Variants in PDE3A observed in about 807,000 individuals in gnomAD.
The protein encoded by PDE3A is phosphodiesterase 3A.
Under a neutral mutation model 98.3 loss-of-function variants are expected in PDE3A, and 43 were observed. The ratio of observed to expected loss-of-function variants is 0.44; its 90% CI spans 0.34 to 0.56. The LOEUF (loss-of-function observed/expected upper bound fraction) is 0.56. Ranked by LOEUF, PDE3A falls within the 20% of genes least tolerant of loss-of-function variation. The probability of loss-of-function intolerance (pLI) is 0.01; values close to 1 mark genes in which losing one functional copy is unlikely to be tolerated. For missense variants in PDE3A, 1,427 were observed against 1,440.7 expected (o/e 0.99, Z 0.15); for synonymous variants, 663 against 567.9 (o/e 1.17, Z -2.38).
At position 20,537,723 on chromosome 12, in the gene PDE3A, G is replaced by A. The variant is rs550319814; in HGVS notation, c.961-18937G>A. Among the ~76,000 whole-genome samples the A allele has an allele frequency of 3.3e-5, 5 of 151,834 alleles. No homozygotes were observed. In the South Asian group the frequency reaches 6.2e-4, roughly 19 times the overall value. On this transcript the variant is annotated intron_variant, in intron 1 of 15. Coordinates refer to ENST00000359062, the MANE Select transcript of PDE3A (RefSeq NM_000921.5). ...GTCTAGCCCAGCATTTCCAAAAGCC[G>A]TTTTAATCTTTTTCCCTGAAACAGC...
intron 3 of PDE3A, 29 bp from the exon 4 acceptor site, chr12:20,616,201 T>G: frequency 6.2e-7 from 1 of 1,602,266 alleles, no homozygotes; most frequent in Non-Finnish European, 8.5e-7. Flanking sequence ...TAAAATATTC[T>G]GGGTAATGAA....
chr12:20,584,138 T>C (rs2121353052), intron 2 of PDE3A, among the ~76,000 whole-genome samples: 1 of 152,354 alleles, frequency 6.6e-6, no homozygotes, highest in East Asian at 1.9e-4. Flanking sequence ...GAAGTGTCTC[T>C]TGTCAAAGAC....
At chr12:20,502,763 C>T (rs1266275387) in intron 1 of PDE3A, among the ~76,000 whole-genome samples, 1 of 151,986 alleles carries the variant, frequency 6.6e-6, no homozygotes, top group Non-Finnish European at 1.5e-5. Flanking sequence ...CAATTATTTC[C>T]ATGGATTGAG....
intron 2 of PDE3A, among the ~76,000 whole-genome samples, chr12:20,601,328 C>T (rs748259152): frequency 2.0e-4 from 30 of 152,132 alleles, no homozygotes; most frequent in South Asian, 1.0e-3. Context: ...TAGGCATTAA[C>T]GTGGAAATGT....
chr12:20,593,863 G>C (rs529242715), intron 2 of PDE3A, among the ~76,000 whole-genome samples: 4 of 152,016 alleles, frequency 2.6e-5, no homozygotes, highest in Non-Finnish European at 5.9e-5. Context: ...CATAGGGTGA[G>C]GGCTGGGAGG....
At chr12:20,470,569 A>G (rs1945419599) in intron 1 of PDE3A, among the ~76,000 whole-genome samples, 1 of 152,178 alleles carries the variant, frequency 6.6e-6, no homozygotes, top group South Asian at 2.1e-4. Context: ...ATAATTTACA[A>G]CACTTTTCCA....
intron 1 of PDE3A, among the ~76,000 whole-genome samples, chr12:20,498,707 C>T (rs1242280560): frequency 6.6e-6 from 1 of 151,982 alleles, no homozygotes; most frequent in Non-Finnish European, 1.5e-5. Context: ...TTTAAAAAGG[C>T]GTTTACTTCT....
At chr12:20,389,226 C>G (rs1185431492) in intron 1 of PDE3A, among the ~76,000 whole-genome samples, 3 of 151,888 alleles carry the variant, frequency 2.0e-5, no homozygotes, top group East Asian at 2.0e-4. Context: ...CTCTCTCTTT[C>G]TGTGTGTGTG....
intron 2 of PDE3A, among the ~76,000 whole-genome samples, chr12:20,608,356 G>A (rs1329799084): frequency 6.8e-6 from 1 of 148,130 alleles, no homozygotes; most frequent in African/African-American, 2.5e-5. Context: ...ACAAAGTGAG[G>A]ACCTGACTTA....
intron 15 of PDE3A, among the ~76,000 whole-genome samples, chr12:20,656,190 A>G (rs1022428647): frequency 3.3e-5 from 5 of 152,302 alleles, no homozygotes; most frequent in African/African-American, 1.2e-4. Context: ...TTCTTACCAA[A>G]AATACAACCA....
intron 2 of PDE3A, among the ~76,000 whole-genome samples, chr12:20,600,819 A>C (rs959733788): frequency 2.6e-5 from 4 of 152,232 alleles, no homozygotes; most frequent in African/African-American, 9.6e-5. Context: ...AGATTAGAAC[A>C]TGCAATTGTG....
chr12:20,385,983 T>TAATATATATAAAATATATATAA (rs1200465851), intron 1 of PDE3A, among the ~76,000 whole-genome samples: 1 of 69,900 alleles, frequency 1.4e-5, no homozygotes, highest in Admixed American at 2.0e-4. Context: ...TATTAATATA[T>TAATATATATAAAATATATATAA]AATATATATA....
At chr12:20,387,247 C>A (rs943829913) in intron 1 of PDE3A, among the ~76,000 whole-genome samples, 8 of 151,972 alleles carry the variant, frequency 5.3e-5, no homozygotes, top group African/African-American at 1.2e-4. Flanking sequence ...ATTGTCTTGG[C>A]TGTGTGGGCT....
intron 1 of PDE3A, among the ~76,000 whole-genome samples, chr12:20,498,468 A>G (rs760810589): frequency 2.2e-4 from 33 of 152,224 alleles, no homozygotes; most frequent in Non-Finnish European, 2.4e-4. Flanking sequence ...AACTATTTAC[A>G]TAGCATTTAC....
At chr12:20,515,383 T>G (rs1946299099) in intron 1 of PDE3A, among the ~76,000 whole-genome samples, 1 of 152,250 alleles carries the variant, frequency 6.6e-6, no homozygotes, top group Admixed American at 6.5e-5. Context: ...ATATATACAC[T>G]GGTTCCTTTT....
At chr12:20,537,287 C>G (rs1411593663) in intron 1 of PDE3A, among the ~76,000 whole-genome samples, 1 of 152,002 alleles carries the variant, frequency 6.6e-6, no homozygotes, top group African/African-American at 2.4e-5. Context: ...TTCTGTATTT[C>G]ATATACAAGC....
intron 2 of PDE3A, among the ~76,000 whole-genome samples, chr12:20,587,184 A>G (rs1448683332): frequency 1.3e-5 from 2 of 152,274 alleles, no homozygotes; most frequent in Middle Eastern, 3.4e-3. Flanking sequence ...CCTGACTAAC[A>G]TGGTGAAACC....
intron 1 of PDE3A, among the ~76,000 whole-genome samples, chr12:20,513,220 GT>G (rs1946260390): frequency 6.6e-6 from 1 of 151,974 alleles, no homozygotes; most frequent in African/African-American, 2.4e-5. Context: ...ATGCATATAT[GT>G]TTTTATATTT....
At chr12:20,590,687 T>A (rs1943316852) in intron 2 of PDE3A, among the ~76,000 whole-genome samples, 1 of 151,010 alleles carries the variant, frequency 6.6e-6, no homozygotes, top group Non-Finnish European at 1.5e-5. Context: ...ATGGTCAGAG[T>A]GATGGGAATT....
Sources: allele counts gnomAD v4.1 joint callset (sites outside exome capture counted in the v4.1 genomes callset), GRCh38; gene constraint gnomAD v4.1.1; transcripts MANE v1.5; gene names NCBI Gene and HGNC (gene_info 2026-07-23, HGNC 2026-07-21).